The following SCHIP1 variants were observed in gnomAD, a reference collection of about 807,000 sequenced individuals.
SCHIP1 encodes schwannomin-interacting protein 1.
In SCHIP1, 8 loss-of-function variants were observed where a neutral mutation model predicts 29.7. The ratio of observed to expected loss-of-function variants is 0.27; its 90% CI spans 0.16 to 0.49. The LOEUF is 0.49. SCHIP1 is among the 20% of genes least tolerant of loss of function. The pLI is 0.99. For missense variants in SCHIP1, 193 were observed against 294.6 expected, an observed-to-expected ratio of 0.66 and a Z score of 2.52; for synonymous variants, 76 against 94.9, an observed-to-expected ratio of 0.80 and a Z score of 1.16.
the SCHIP1 span, among the ~76,000 whole-genome samples, chr3:159,412,452 A>T: frequency 6.6e-6 from 1 of 152,238 alleles, no homozygotes; most frequent in South Asian, 2.1e-4. Flanking sequence ...GCATCCTGAC[A>T]TGATACATAC....
intron 2 of SCHIP1, among the ~76,000 whole-genome samples, chr3:159,878,806 T>TA: frequency 7.0e-6 from 1 of 143,534 alleles, no homozygotes; most frequent in African/African-American, 2.6e-5. Flanking sequence ...AATAAAAAAA[T>TA]AAAAAAATAA....
chr3:159,593,485 A>G, the SCHIP1 span, among the ~76,000 whole-genome samples: 1 of 152,166 alleles, frequency 6.6e-6, no homozygotes, highest in Non-Finnish European at 1.5e-5. Context: ...TCCATCATCA[A>G]GCAGCCATGT....
the SCHIP1 span, among the ~76,000 whole-genome samples, chr3:159,333,378 T>C: frequency 6.6e-6 from 1 of 152,110 alleles, no homozygotes; most frequent in African/African-American, 2.4e-5. Flanking sequence ...ATATAGTAAA[T>C]AGTCAATAAA....
chr3:159,664,052 CTT>C, the SCHIP1 span, among the ~76,000 whole-genome samples: 1 of 152,168 alleles, frequency 6.6e-6, no homozygotes, highest in African/African-American at 2.4e-5. Flanking sequence ...TTGTTTCTCT[CTT>C]TTTATTTGGT....
chr3:159,407,618 T>C, the SCHIP1 span, among the ~76,000 whole-genome samples: 1 of 152,190 alleles, frequency 6.6e-6, no homozygotes, highest in Non-Finnish European at 1.5e-5. Context: ...TTTTCAAGGA[T>C]AGATCATATG....
At chr3:159,351,981 A>G in the SCHIP1 span, among the ~76,000 whole-genome samples, 2 of 152,188 alleles carry the variant, frequency 1.3e-5, no homozygotes, top group Admixed American at 1.3e-4. Flanking sequence ...AATTTTTTTA[A>G]TGTACTGGTA....
At chr3:159,552,748 T>G in the SCHIP1 span, among the ~76,000 whole-genome samples, 1 of 152,356 alleles carries the variant, frequency 6.6e-6, no homozygotes, top group South Asian at 2.1e-4. Flanking sequence ...TAGAAATATT[T>G]GACATGAAAT....
the SCHIP1 span, among the ~76,000 whole-genome samples, chr3:159,732,357 A>G: frequency 3.9e-5 from 6 of 152,330 alleles, no homozygotes; most frequent in South Asian, 1.2e-3. Context: ...GGCTGCAGAC[A>G]GTCCCTGGGA....
At chr3:159,871,455 C>T (rs568781295) in intron 2 of SCHIP1, among the ~76,000 whole-genome samples, 7 of 152,194 alleles carry the variant, frequency 4.6e-5, no homozygotes, top group African/African-American at 1.7e-4. Flanking sequence ...TCTAAGAGAG[C>T]AAGACTTCGT....
the SCHIP1 span, among the ~76,000 whole-genome samples, chr3:159,675,278 T>C: frequency 6.6e-6 from 1 of 152,220 alleles, no homozygotes; most frequent in Non-Finnish European, 1.5e-5. Flanking sequence ...CTGATAATGC[T>C]AGTGAAGAGG....
the SCHIP1 span, among the ~76,000 whole-genome samples, chr3:159,443,937 G>C: frequency 1.3e-5 from 2 of 152,118 alleles, no homozygotes; most frequent in African/African-American, 4.8e-5. Context: ...AGTTTCCATA[G>C]TGTAATTCCA....
the SCHIP1 span, among the ~76,000 whole-genome samples, chr3:159,312,886 A>G: frequency 6.6e-6 from 1 of 152,246 alleles, no homozygotes; most frequent in Non-Finnish European, 1.5e-5. Flanking sequence ...TTCAACAGGG[A>G]AAAACAGATA....
the SCHIP1 span, among the ~76,000 whole-genome samples, chr3:159,635,394 G>A: frequency 6.6e-6 from 1 of 152,280 alleles, no homozygotes; most frequent in Non-Finnish European, 1.5e-5. Flanking sequence ...CAGAAGAGTA[G>A]CTGTACCTAA....
At chr3:159,780,754 T>TGTTA in the SCHIP1 span, among the ~76,000 whole-genome samples, 4 of 152,190 alleles carry the variant, frequency 2.6e-5, no homozygotes, top group Admixed American at 6.5e-5. Context: ...GGGCAGAACC[T>TGTTA]AGGGTGGCAC....
chr3:159,745,725 T>A, the SCHIP1 span, among the ~76,000 whole-genome samples: 1 of 152,340 alleles, frequency 6.6e-6, no homozygotes, highest in Admixed American at 6.5e-5. Flanking sequence ...TGTTGTAGGA[T>A]TTTCCTAGTG....
chr3:159,452,714 A>G, the SCHIP1 span, among the ~76,000 whole-genome samples: 1 of 152,182 alleles, frequency 6.6e-6, no homozygotes, highest in African/African-American at 2.4e-5. Context: ...TAGATCCTTG[A>G]GGAATTGCCA....
chr3:159,896,988 C>G (rs1046340201), exon 7 of SCHIP1: 10 of 447,112 alleles, frequency 2.2e-5, no homozygotes, highest in Non-Finnish European at 3.9e-5. Context: ...AATATTGTTA[C>G]AAAAAATGTA....
At chr3:159,593,465 A>G in the SCHIP1 span, among the ~76,000 whole-genome samples, 13 of 152,146 alleles carry the variant, frequency 8.5e-5, no homozygotes, top group Admixed American at 7.2e-4. Context: ...GGATTCTGGA[A>G]GAAGCTGCCT....
the SCHIP1 span, among the ~76,000 whole-genome samples, chr3:159,632,026 CA>C: frequency 1.1e-4 from 17 of 149,368 alleles, no homozygotes; most frequent in East Asian, 3.9e-4. Context: ...AGAAAGAAAA[CA>C]AAAAAAAATA....
Sources: allele counts gnomAD v4.1 joint callset (sites outside exome capture counted in the v4.1 genomes callset), GRCh38; gene constraint gnomAD v4.1.1; transcripts MANE v1.5; gene names NCBI Gene and HGNC (gene_info 2026-07-23, HGNC 2026-07-21).